The following SGF29 variants were observed in gnomAD, a reference collection of about 807,000 sequenced individuals.
SGF29 encodes the protein SAGA complex associated factor 29, also known as SAGA-associated factor 29.
A neutral mutation model predicts 38.1 loss-of-function variants in SGF29; 15 were observed. That is an observed-to-expected ratio of 0.39 (90% confidence interval 0.26 to 0.61). The LOEUF is 0.61. SGF29 is among the 20% of genes least tolerant of loss of function. The probability of loss-of-function intolerance (pLI) is 0.49; values close to 1 mark genes in which losing one functional copy is unlikely to be tolerated. For missense variants in SGF29, 184 were observed against 394.6 expected, an observed-to-expected ratio of 0.47 and a Z score of 4.52; for synonymous variants, 151 against 160.8, an observed-to-expected ratio of 0.94 and a Z score of 0.46.
chr16:28,575,577 C>T (rs1251717441), intron 1 of SGF29, among the ~76,000 whole-genome samples: 1 of 152,104 alleles, frequency 6.6e-6, no homozygotes, highest in Non-Finnish European at 1.5e-5. Context: ...CCCAGCTACT[C>T]AGGAGGCTGA....
At position 28,556,251 on chromosome 16, in the gene SGF29, C is replaced by T. The variant is rs1289270208; in HGVS notation, c.-16+2154C>T. ...GTGGTGCAATGTCAACTCACTGCAACCTCTGCCTCCCGGGTTCAAGTGATT... is the reference window on the plus strand; with the variant it reads ...GTGGTGCAATGTCAACTCACTGCAATCTCTGCCTCCCGGGTTCAAGTGATT... On this transcript the variant is annotated intron_variant, in intron 1 of 9. Coordinates refer to ENST00000317058, the MANE Select transcript of SGF29 (RefSeq NM_138414.3). Among the ~76,000 whole-genome samples, 5 of 152,210 alleles carry T rather than the reference C, an allele frequency of 3.3e-5. No individual in the cohort carries two copies. In the East Asian group the frequency reaches 7.7e-4, roughly 23 times the overall value.
chr16:28,589,022 C>T, intron 4 of SGF29, 78 bp from the exon 5 acceptor site: 1 of 1,545,598 alleles, frequency 6.5e-7, no homozygotes, highest in Non-Finnish European at 8.9e-7. Flanking sequence ...TAGCTTGACC[C>T]AAAACAGAAA....
chr16:28,565,282 A>C (rs1171068738), intron 1 of SGF29, among the ~76,000 whole-genome samples: 1 of 152,114 alleles, frequency 6.6e-6, no homozygotes, highest in Non-Finnish European at 1.5e-5. Context: ...ACCCAGGAAC[A>C]GCGCTTCACC....
intron 1 of SGF29, among the ~76,000 whole-genome samples, chr16:28,574,521 G>T (rs1487349810): frequency 6.6e-6 from 1 of 152,206 alleles, no homozygotes; most frequent in Non-Finnish European, 1.5e-5. Flanking sequence ...AGTGCATCAA[G>T]TGTGGACCGT....
chr16:28,571,883 C>CA (rs1464470626), intron 1 of SGF29, among the ~76,000 whole-genome samples: 2 of 152,224 alleles, frequency 1.3e-5, no homozygotes, highest in Admixed American at 6.5e-5. Flanking sequence ...TTGATGAAAG[C>CA]AGAGATTTCC....
At chr16:28,576,689 G>A (rs570565190) in intron 1 of SGF29, among the ~76,000 whole-genome samples, 1 of 152,126 alleles carries the variant, frequency 6.6e-6, no homozygotes, top group African/African-American at 2.4e-5. Flanking sequence ...AACAAGGCTA[G>A]AATCTGTCCC....
chr16:28,585,951 C>T (rs781279501), intron 4 of SGF29, among the ~76,000 whole-genome samples: 1 of 152,176 alleles, frequency 6.6e-6, no homozygotes, highest in Non-Finnish European at 1.5e-5. Flanking sequence ...TCAACACTGC[C>T]GTTTACTGGC....
At chr16:28,564,697 G>GTATATATATGTATATATATGTA (rs2046820142) in intron 1 of SGF29, among the ~76,000 whole-genome samples, 14 of 75,094 alleles carry the variant, frequency 1.9e-4, no homozygotes, top group Admixed American at 5.0e-4. Flanking sequence ...GTATATATAT[G>GTATATATATGTATATATATGTA]TATATATATA....
At chr16:28,564,763 GTATATATATGTA>G (rs1567286194) in intron 1 of SGF29, among the ~76,000 whole-genome samples, 1,186 of 35,642 alleles carry the variant, frequency 0.033, 54 homozygotes, top group African/African-American at 0.067. Flanking sequence ...ATGTATATAT[GTATATATATGTA>G]TATATATATA....
At chr16:28,562,903 CAA>C (rs753973229) in intron 1 of SGF29, among the ~76,000 whole-genome samples, 22 of 50,892 alleles carry the variant, frequency 4.3e-4, no homozygotes, top group African/African-American at 1.1e-3. Context: ...GACCCTGTCT[CAA>C]AAAAAAAAAA....
At chr16:28,588,974 G>A (rs770393052) in intron 4 of SGF29, 126 bp from the exon 5 acceptor site, 9 of 959,294 alleles carry the variant, frequency 9.4e-6, no homozygotes, top group Admixed American at 1.9e-5. Flanking sequence ...GGAGGCTACT[G>A]TGAGAACCTC....
rs1215581349 is a variant in SGF29 at position 28,561,897 on chromosome 16, C to T, written c.-16+7800C>T. Among the ~76,000 whole-genome samples, 2 of 152,188 alleles carry T rather than the reference C, an allele frequency of 1.3e-5. 1 individual carries two copies. Among genetic ancestry groups the T allele is most frequent in the East Asian group, 3.8e-4 (2 of 5,198 alleles). On this transcript the variant is annotated intron_variant, in intron 1 of 9. Transcript: ENST00000317058. ...TGCACCAGCAGGCTTGGCATTTGTT[C>T]TCAGAAGGTCACAGAAACCTTTGCT...
intron 2 of SGF29, among the ~76,000 whole-genome samples, chr16:28,584,668 A>G (rs138534121): frequency 0.054 from 8,199 of 152,030 alleles, 298 homozygotes; most frequent in Middle Eastern, 0.15. Context: ...GGGCGCCTGT[A>G]GTCCCAGCTA....
intron 2 of SGF29, among the ~76,000 whole-genome samples, chr16:28,581,428 C>T (rs1286559624): frequency 6.6e-6 from 1 of 152,190 alleles, no homozygotes; most frequent in Admixed American, 6.5e-5. Context: ...TTTTTCGCAG[C>T]TCACAAAATT....
At chr16:28,554,265 A>G (rs1393774198) in intron 1 of SGF29, 168 bp downstream of exon 1, 1 of 122,220 alleles carries the variant, frequency 8.2e-6, no homozygotes, top group Admixed American at 7.7e-5. Flanking sequence ...TGGGGGCGGG[A>G]GAGGAGGGCG....
At position 28,590,970 on chromosome 16, in the gene SGF29, T is replaced by A. The variant is rs2046986508; in HGVS notation, c.765+35T>A. 2 of 1,571,928 alleles carry A rather than the reference T, an allele frequency of 1.3e-6. No homozygotes were observed. The highest frequency in any genetic ancestry group is 2.7e-5 in the African/African-American group (2 of 73,946). On this transcript the variant is annotated intron_variant, in intron 9 of 9. Transcript: ENST00000317058. The surrounding 1 kb of genome is among the most constrained non-coding windows in gnomAD (Gnocchi z 8.2). ...CCTCCAGGGGAGAGGCCATGGGTGA[T>A]GTCAGGAACAGGCTGATCAGACAGA...
Position 28,564,735 on chromosome 16 carries a change from A to ATATG in SGF29, c.-16+10639_-16+10640insATGT, listed in dbSNP as rs1889148383. 5.1e-4 allele frequency among the ~76,000 whole-genome samples: 7 copies of ATATG among 13,724 alleles called. 1 individual carries two copies. The highest frequency in any genetic ancestry group is 9.0e-4 in the Non-Finnish European group (6 of 6,664). The allele number at this position is 13,724 out of a possible 152,430, so 9.0% of individuals were successfully genotyped here. A position where few individuals can be genotyped will look rare whatever the true frequency, so the allele number is the denominator to read the frequency against. On this transcript the variant is annotated intron_variant, in intron 1 of 9. Coordinates refer to ENST00000317058, the MANE Select transcript of SGF29 (RefSeq NM_138414.3). ...TATATATGTATATATATACATATATATGTATATATGTATATATATGTATAT... is the reference window on the plus strand; with the variant it reads ...TATATATGTATATATATACATATATATATGTGTATATATGTATATATATGTATAT...
At chr16:28,579,668 C>T (rs112831778) in intron 1 of SGF29, among the ~76,000 whole-genome samples, 40,129 of 151,670 alleles carry the variant, frequency 0.26, 7,041 homozygotes, top group Non-Finnish European at 0.37. Context: ...TGGTGGCTCA[C>T]GCCTGTAATC....
At chr16:28,588,618 G>A in intron 4 of SGF29, 2 of 433,074 alleles carry the variant, frequency 4.6e-6, no homozygotes, top group Non-Finnish European at 4.5e-6. Context: ...AGGTTGGAGT[G>A]CAATGACGCG....
Sources: allele counts gnomAD v4.1 joint callset (sites outside exome capture counted in the v4.1 genomes callset), GRCh38; gene constraint gnomAD v4.1.1; non-coding constraint Gnocchi (gnomAD v3.1); transcripts MANE v1.5; gene names NCBI Gene and HGNC (gene_info 2026-07-23, HGNC 2026-07-21).